The following KIAA1217 variants were observed in gnomAD, a reference collection of about 807,000 sequenced individuals.
KIAA1217 encodes KIAA1217, also known as sickle tail protein homolog.
KIAA1217 carries 88 observed loss-of-function variants against 163.9 expected under a neutral mutation model. That is an observed-to-expected ratio of 0.54 (90% confidence interval 0.45 to 0.64). The LOEUF is 0.64. KIAA1217 is among the 30% of genes least tolerant of loss of function. The pLI, the probability that KIAA1217 is intolerant of heterozygous loss-of-function variation, is 0.00. For synonymous variants in KIAA1217, 903 were observed against 923.1 expected, an observed-to-expected ratio of 0.98 and a Z score of 0.39; for missense variants, 2,372 against 2,475.0, an observed-to-expected ratio of 0.96 and a Z score of 0.88.
At chr10:24,191,098 T>G (rs1326030736) in intron 2 of KIAA1217, among the ~76,000 whole-genome samples, 1 of 152,060 alleles carries the variant, frequency 6.6e-6, no homozygotes. Context: ...GAGGATGACT[T>G]GAGCCCAGAA....
intron 3 of KIAA1217, among the ~76,000 whole-genome samples, chr10:24,413,316 G>C (rs1165560658): frequency 1.3e-5 from 2 of 152,226 alleles, no homozygotes; most frequent in African/African-American, 4.8e-5. Context: ...CTCCCGAGTA[G>C]CTGGGACTAC....
intron 2 of KIAA1217, among the ~76,000 whole-genome samples, chr10:24,362,740 C>T (rs1347760208): frequency 6.6e-6 from 1 of 152,174 alleles, no homozygotes; most frequent in African/African-American, 2.4e-5. Context: ...GTGGCTCACG[C>T]CTATAATCCC....
intron 2 of KIAA1217, 145 bp from the exon 3 acceptor site, chr10:24,380,723 CT>C: frequency 2.1e-6 from 1 of 473,002 alleles, no homozygotes; most frequent in Middle Eastern, 5.6e-4. Flanking sequence ...CCCACTGGGT[CT>C]TTAGTTTTCC....
chr10:24,188,417 T>A (rs1318679781), intron 2 of KIAA1217, among the ~76,000 whole-genome samples: 2 of 151,868 alleles, frequency 1.3e-5, no homozygotes, highest in African/African-American at 4.9e-5. Context: ...GGGTAGAGGA[T>A]CACAGCCAGG....
rs118146883 is a variant in KIAA1217 at position 24,300,536 on chromosome 10, C to T, written c.355-80333C>T. ...CTGCATTTCCTGCATGGTTTCCTTA[C>T]GCTGTTCTGTGCATTTTGGGTGGCG... On this transcript the variant is annotated intron_variant, in intron 2 of 20. Coordinates refer to ENST00000376454, the MANE Select transcript of KIAA1217 (RefSeq NM_019590.5). Among the ~76,000 whole-genome samples the T allele has an allele frequency of 1.8e-3, 269 of 152,234 alleles. 1 individual carries two copies. The highest frequency in any genetic ancestry group is 2.1e-3 in the Non-Finnish European group (141 of 68,028).
chr10:24,529,063 A>C (rs2072695414), intron 14 of KIAA1217, among the ~76,000 whole-genome samples: 1 of 152,192 alleles, frequency 6.6e-6, no homozygotes, highest in African/African-American at 2.4e-5. Context: ...ATGTCTCTGC[A>C]GTGTCACATT....
chr10:24,042,362 T>C (rs1848676673), intron 2 of KIAA1217: 1 of 152,060 alleles, frequency 6.6e-6, no homozygotes, highest in African/African-American at 2.4e-5. Context: ...GGCGGGATGA[T>C]TTGAACAGCA....
chr10:23,801,467 A>C (rs934148688), intron 1 of KIAA1217, among the ~76,000 whole-genome samples: 6 of 152,214 alleles, frequency 3.9e-5, no homozygotes, highest in Non-Finnish European at 5.9e-5. Flanking sequence ...CCAGAACTTC[A>C]AGTATAATCA....
intron 2 of KIAA1217, among the ~76,000 whole-genome samples, chr10:24,310,106 T>C (rs1340328563): frequency 1.3e-5 from 2 of 152,370 alleles, no homozygotes; most frequent in East Asian, 1.9e-4. Flanking sequence ...CCTCTAGTTC[T>C]TCTAAATTAG....
chr10:24,187,734 A>G (rs1365780143), intron 2 of KIAA1217, among the ~76,000 whole-genome samples: 1 of 151,242 alleles, frequency 6.6e-6, no homozygotes, highest in African/African-American at 2.4e-5. Context: ...CTACTAAAAA[A>G]ACGAAATTAG....
chr10:23,710,182 G>T (rs963805133), intron 1 of KIAA1217, among the ~76,000 whole-genome samples: 4 of 146,358 alleles, frequency 2.7e-5, no homozygotes, highest in Non-Finnish European at 5.9e-5. Context: ...TATGCAGACT[G>T]CACTTTTTCT....
intron 1 of KIAA1217, among the ~76,000 whole-genome samples, chr10:23,841,768 C>G (rs1267648335): frequency 6.6e-6 from 1 of 151,980 alleles, no homozygotes; most frequent in Non-Finnish European, 1.5e-5. Flanking sequence ...TCTCAGAATA[C>G]AAGGGTAGAA....
intron 3 of KIAA1217, among the ~76,000 whole-genome samples, chr10:24,386,415 T>A (rs61848116): frequency 1.3e-5 from 2 of 152,126 alleles, no homozygotes; most frequent in Non-Finnish European, 2.9e-5. Context: ...CCTGTGTACA[T>A]GCAAGGCTGA....
At chr10:24,249,253 C>T (rs951725176) in intron 2 of KIAA1217, among the ~76,000 whole-genome samples, 4 of 152,174 alleles carry the variant, frequency 2.6e-5, no homozygotes, top group African/African-American at 9.7e-5. Context: ...GTAAAATAAA[C>T]GTCCCCTAAT....
chr10:24,397,510 CCCAAGCAG>C (rs1201033662), intron 3 of KIAA1217, among the ~76,000 whole-genome samples: 1 of 152,160 alleles, frequency 6.6e-6, no homozygotes, highest in Non-Finnish European at 1.5e-5. Flanking sequence ...AAGATTGGAA[CCCAAGCAG>C]CCTTGTCTGT....
At chr10:24,462,838 A>G (rs1006013820) in intron 5 of KIAA1217, among the ~76,000 whole-genome samples, 1 of 152,228 alleles carries the variant, frequency 6.6e-6, no homozygotes, top group Non-Finnish European at 1.5e-5. Flanking sequence ...GTTACATAGT[A>G]GTTTCAAGAA....
At chr10:24,534,088 C>T (rs1434450309) in intron 16 of KIAA1217, among the ~76,000 whole-genome samples, 1 of 152,200 alleles carries the variant, frequency 6.6e-6, no homozygotes, top group African/African-American at 2.4e-5. Context: ...TTTTTACCGA[C>T]GTACCAATGG....
intron 1 of KIAA1217, among the ~76,000 whole-genome samples, chr10:23,918,828 A>C (rs1842731883): frequency 6.6e-6 from 1 of 152,036 alleles, no homozygotes; most frequent in East Asian, 1.9e-4. Context: ...CCAGAGAGCA[A>C]GTTTGCTGAC....
chr10:24,026,846 T>C (rs1159961527), intron 2 of KIAA1217, among the ~76,000 whole-genome samples: 3 of 151,506 alleles, frequency 2.0e-5, no homozygotes, highest in African/African-American at 7.3e-5. Context: ...TTGAGACTTT[T>C]CTTATTTTCT....
Sources: allele counts gnomAD v4.1 joint callset (sites outside exome capture counted in the v4.1 genomes callset), GRCh38; gene constraint gnomAD v4.1.1; transcripts MANE v1.5; gene names NCBI Gene and HGNC (gene_info 2026-07-23, HGNC 2026-07-21).